The following PLCH2 variants were observed in gnomAD, a reference collection of about 807,000 sequenced individuals.
PLCH2 encodes the protein 1-phosphatidylinositol 4,5-bisphosphate phosphodiesterase eta-2.
PLCH2 carries 98 observed loss-of-function variants against 134.7 expected under a neutral mutation model. The observed-to-expected ratio is 0.73, with a 90% CI of 0.62 to 0.86. The LOEUF is 0.86. PLCH2 is among the 40% of genes least tolerant of loss of function. PLCH2 has a pLI of 0.00. For synonymous variants in PLCH2, 974 were observed against 827.5 expected (o/e 1.18, Z -3.04); for missense variants, 1,994 against 1,986.6 (o/e 1.00, Z -0.07).
In PLCH2 at chr1:2,502,107, T is replaced by A; in HGVS notation, c.2662-5T>A. 1 of 1,431,058 alleles carries A rather than the reference T, an allele frequency of 7.0e-7. No homozygotes were observed. Among genetic ancestry groups the A allele is most frequent in the South Asian group, 1.5e-5 (1 of 67,822 alleles). 88.6% of individuals were successfully genotyped at this position (1,431,058 alleles called of 1,614,324 possible). A position where few individuals can be genotyped will look rare whatever the true frequency, so the allele number is the denominator to read the frequency against. On this transcript the variant is annotated splice_polypyrimidine_tract_variant and splice_region_variant and intron_variant, in intron 20 of 21. Transcript: ENST00000378486. ...CAACAGCTACATGGGCTCCTTCTCT[T>A]GCAGGTCAAGCAGGCTCTGGGCCTA...
rs376865106 is a variant in PLCH2 at position 2,486,924 on chromosome 1, C to T, written c.834C>T (p.Leu278=). 6.0e-5 allele frequency: 97 copies of T among 1,606,568 alleles called. No individual in the cohort carries two copies. In the African/African-American group the frequency reaches 8.3e-4, roughly 14 times the overall value. ...TGGCCTAGATGGCGGGTGTGACCCT[C>T]GAGAGCTGCCAGGACATCATCGAGC... ...QVEQKMAGVT[L]ESCQDIIEQF... The change falls in exon 6 of 22, where the codon CTC becomes CTT. Residue 278 remains leucine, a synonymous_variant. Coordinates refer to ENST00000378486, the MANE Select transcript of PLCH2 (RefSeq NM_014638.4).
chr1:2,501,404 G>A (rs2100738292), intron 20 of PLCH2: 1 of 152,472 alleles, frequency 6.6e-6, no homozygotes, highest in East Asian at 1.9e-4. Context: ...CTGTGGCCAG[G>A]TGCTGGTGGG....
Position 2,484,763 on chromosome 1 carries a change from C to A in PLCH2, c.816+145C>A, listed in dbSNP as rs931991164. 2.6e-5 allele frequency: 22 copies of A among 862,262 alleles called. No individual in the cohort carries two copies. The African/African-American group carries it at 3.7e-4, about 15-fold the overall frequency. The allele number at this position is 862,262 out of a possible 1,614,324, so 53.4% of individuals were successfully genotyped here. On this transcript the variant is annotated intron_variant, in intron 5 of 21. Transcript: ENST00000378486. ...CAGGGATGGGCTACCTGGGCTCATGCCCCTGCTCTGAGATGGAGAGATTAG... is the reference window on the plus strand; with the variant it reads ...CAGGGATGGGCTACCTGGGCTCATGACCCTGCTCTGAGATGGAGAGATTAG...
chr1:2,501,120 T>C (rs1643202547), intron 20 of PLCH2: 1 of 151,714 alleles, frequency 6.6e-6, no homozygotes, highest in Non-Finnish European at 1.5e-5. Flanking sequence ...ATGCGTAGAT[T>C]TGGGATCTTG....
intron 2 of PLCH2, among the ~76,000 whole-genome samples, chr1:2,447,932 G>A (rs945190027): frequency 6.6e-6 from 1 of 152,180 alleles, no homozygotes; most frequent in Non-Finnish European, 1.5e-5. Flanking sequence ...CAGGGCACTC[G>A]GCCCCTGCTT....
intron 2 of PLCH2, among the ~76,000 whole-genome samples, chr1:2,431,708 G>C (rs1430998713): frequency 3.9e-5 from 6 of 152,174 alleles, no homozygotes; most frequent in Non-Finnish European, 8.8e-5. Context: ...CTCCTGCTGT[G>C]TACCCTTCTG....
rs369181079 is a variant in PLCH2 at position 2,504,510 on chromosome 1, G to A, written c.3548G>A (p.Arg1183Lys). Residue 1183 changes from arginine (R) to lysine (K), a missense_variant, in exon 22 of 22, where the codon AGG becomes AAG. This residue lies in a region of PLCH2 where 900 missense variants were observed against 752.3 expected (regional missense o/e 1.20). Transcript: ENST00000378486. ...GCCCACATGGGACGCCTGCCCCCCA[G>A]GCCCCACTCGGCTTCGGCTGCCCGC... ...AGAHMGRLPP[R>K]PHSASAARPD... 1 of 1,612,322 alleles carries A rather than the reference G, an allele frequency of 6.2e-7. No individual in the cohort carries two copies. Among genetic ancestry groups the A allele is most frequent in the Non-Finnish European group, 8.5e-7 (1 of 1,179,678 alleles).
In PLCH2 at chr1:2,505,139, G is replaced by A. The variant is rs1375307460; in HGVS notation, c.4177G>A (p.Ala1393Thr). ...CSVGHEGSVD[A>T]PAPSKGALGP... ...CGTGGGCCACGAGGGCAGTGTGGAT[G>A]CACCAGCACCCTCCAAGGGAGCCCT... Residue 1393 changes from alanine to threonine, a missense_variant, in exon 22 of 22, where the codon GCA (alanine) becomes ACA (threonine). Around this residue, in one of 2 missense-constraint regions of PLCH2, gnomAD observed 900 missense variants for 752.3 expected, o/e 1.20. Coordinates refer to ENST00000378486, the MANE Select transcript of PLCH2 (RefSeq NM_014638.4). 1.3e-6 allele frequency: 2 copies of A among 1,558,874 alleles called. No homozygotes were observed. Among genetic ancestry groups the A allele is most frequent in the African/African-American group, 1.4e-5 (1 of 73,738 alleles).
chr1:2,423,981 G>T (rs547847674), upstream of PLCH2, among the ~76,000 whole-genome samples: 4 of 152,240 alleles, frequency 2.6e-5, no homozygotes, highest in Admixed American at 2.0e-4. Context: ...GGTGATTTCA[G>T]CCTCAAACCC....
chr1:2,463,347 T>C (rs980418100), upstream of PLCH2, among the ~76,000 whole-genome samples: 2 of 152,046 alleles, frequency 1.3e-5, no homozygotes, highest in Non-Finnish European at 2.9e-5. Flanking sequence ...TCCAAGGTGG[T>C]GGAGGAGCAG....
At chr1:2,472,273 C>T (rs537198080), upstream of PLCH2, among the ~76,000 whole-genome samples, 125 of 152,334 alleles carry the variant, frequency 8.2e-4, no homozygotes, top group Middle Eastern at 0.031. Context: ...CCCTCCCTCC[C>T]GTGCGGCGCC....
At position 2,491,210 on chromosome 1, in the gene PLCH2, C is replaced by G. The variant is rs748035129; in HGVS notation, c.1534C>G (p.Arg512Gly). The part of the protein sequence containing the change: ...LNGDASTNRK[R>G]VENTAKRKLD... The stretch of plus-strand genomic sequence containing the variant: ...CCTGCAGGCATCCACCAATCGAAAG[C>G]GTGTAGAAAACACTGCTAAGAGGAA... The change falls in exon 11 of 22, where the codon CGT becomes GGT. Residue 512 changes from arginine (R) to glycine (G), a missense_variant. Transcript: ENST00000378486. 1 of 1,612,696 alleles carries G rather than the reference C, an allele frequency of 6.2e-7. No individual in the cohort carries two copies. Among genetic ancestry groups the G allele is most frequent in the Non-Finnish European group, 8.5e-7 (1 of 1,179,638 alleles).
chr1:2,437,263 C>G (rs1295991381), intron 2 of PLCH2, among the ~76,000 whole-genome samples: 2 of 152,126 alleles, frequency 1.3e-5, no homozygotes. Context: ...GCTGCGAGCC[C>G]CTCTTCTCTG....
At chr1:2,499,014 G>T in intron 18 of PLCH2, 70 bp from the exon 19 acceptor site, 2 of 1,529,162 alleles carry the variant, frequency 1.3e-6, no homozygotes, top group Non-Finnish European at 1.8e-6. Context: ...GTGGGCCGGG[G>T]GCTCCAGGCT....
At chr1:2,428,867 C>T (rs1020534248) in intron 1 of PLCH2, among the ~76,000 whole-genome samples, 12 of 152,354 alleles carry the variant, frequency 7.9e-5, no homozygotes, top group African/African-American at 1.2e-4. Flanking sequence ...TGAGAGGCTC[C>T]GGAGAGAGGG....
intron 2 of PLCH2, among the ~76,000 whole-genome samples, chr1:2,434,366 G>A (rs2100496053): frequency 6.6e-6 from 1 of 152,304 alleles, no homozygotes; most frequent in Non-Finnish European, 1.5e-5. Flanking sequence ...TTGTGCCGTG[G>A]GGCCCCTTCT....
chr1:2,434,027 T>G (rs563881934), intron 2 of PLCH2, among the ~76,000 whole-genome samples: 1 of 152,274 alleles, frequency 6.6e-6, no homozygotes, highest in South Asian at 2.1e-4. Context: ...GCCATCAACA[T>G]CGCAGGAGGT....
the PLCH2 span, among the ~76,000 whole-genome samples, chr1:2,416,421 G>C: frequency 6.6e-6 from 1 of 152,172 alleles, no homozygotes; most frequent in Non-Finnish European, 1.5e-5. Context: ...GCGGCCCTCG[G>C]GAAGCCCCTC....
Position 2,498,654 on chromosome 1 carries a change from GC to G in PLCH2, c.2349+9del. ...GCTGGGGGACCGTGGGGAGGTGGGGGCCAGCCCCACACAGGCGGGAGGGGTG... is the reference window on the plus strand; with the variant it reads ...GCTGGGGGACCGTGGGGAGGTGGGGGCAGCCCCACACAGGCGGGAGGGGTG... On this transcript the variant is annotated splice_region_variant and intron_variant, in intron 17 of 21. Coordinates refer to ENST00000378486, the MANE Select transcript of PLCH2 (RefSeq NM_014638.4). This position sits in a 1 kb window ranked among gnomAD's most constrained non-coding sequence, Gnocchi z 5.4. The G allele has an allele frequency of 1.0e-6, 1 of 997,410 alleles. No homozygotes were observed. 61.8% of individuals were successfully genotyped at this position (997,410 alleles called of 1,614,324 possible).
Sources: allele counts gnomAD v4.1 joint callset (sites outside exome capture counted in the v4.1 genomes callset), GRCh38; gene constraint gnomAD v4.1.1; regional missense constraint gnomAD v4.1.1; non-coding constraint Gnocchi (gnomAD v3.1); transcripts MANE v1.5; gene names NCBI Gene and HGNC (gene_info 2026-07-23, HGNC 2026-07-21).